Variants in CARM1 observed in about 807,000 individuals in gnomAD.
CARM1 encodes the protein coactivator associated arginine methyltransferase 1.
CARM1 carries 14 observed loss-of-function variants against 72.7 expected under a neutral mutation model. That is an observed-to-expected ratio of 0.19 (90% confidence interval 0.13 to 0.30). The LOEUF (loss-of-function observed/expected upper bound fraction) is 0.30, where lower values mean the gene tolerates loss of function less well. Among genes scored for constraint, CARM1 ranks in the 10% least tolerant of loss-of-function variants. CARM1 has a pLI of 1.00. For synonymous variants in CARM1, 333 were observed against 345.5 expected, an observed-to-expected ratio of 0.96 and a Z score of 0.40; for missense variants, 432 against 833.7, an observed-to-expected ratio of 0.52 and a Z score of 5.93.
intron 3 of CARM1, chr19:10,908,408 T>C: frequency 4.6e-6 from 2 of 432,496 alleles, no homozygotes; most frequent in African/African-American, 2.0e-5. Context: ...ACAGGCGTTG[T>C]GAATAACGGT....
chr19:10,873,290 T>C (rs1309068867), intron 1 of CARM1, among the ~76,000 whole-genome samples: 2 of 152,126 alleles, frequency 1.3e-5, no homozygotes, highest in East Asian at 3.9e-4. Context: ...TTGGCTATCA[T>C]TTTTAAGTAA....
chr19:10,898,092 C>T (rs552030799), intron 1 of CARM1, among the ~76,000 whole-genome samples: 4 of 146,680 alleles, frequency 2.7e-5, no homozygotes, highest in Admixed American at 6.9e-5. Context: ...TGGGAGACAG[C>T]GAGACTCCGT....
intron 8 of CARM1, among the ~76,000 whole-genome samples, chr19:10,917,992 G>A (rs1447672479): frequency 2.0e-5 from 3 of 151,430 alleles, no homozygotes; most frequent in African/African-American, 4.8e-5. Flanking sequence ...GATTACAGGC[G>A]TGAGCCACCA....
intron 3 of CARM1, chr19:10,908,643 A>C: frequency 5.4e-6 from 1 of 186,600 alleles, no homozygotes; most frequent in Non-Finnish European, 1.1e-5. Context: ...GGTCTGCCTG[A>C]TGCCAAAGTC....
At position 10,915,551 on chromosome 19, in the gene CARM1, C is replaced by T. The variant is rs1223559119; in HGVS notation, c.848-856C>T. ...GCTGGGTCACTTCCCATGGTGCCCC[C>T]AGGTCCCCCAGGGCAGAAGCCGCAG... On this transcript the variant is annotated intron_variant, in intron 6 of 15. Transcript: ENST00000327064. The surrounding 1 kb of genome is among the most constrained non-coding windows in gnomAD (Gnocchi z 4.6). 5.3e-5 allele frequency among the ~76,000 whole-genome samples: 8 copies of T among 152,118 alleles called. No individual in the cohort carries two copies. The highest frequency in any genetic ancestry group is 1.2e-4 in the Non-Finnish European group (8 of 67,986).
intron 2 of CARM1, among the ~76,000 whole-genome samples, chr19:10,906,253 C>T (rs1282035043): frequency 2.0e-5 from 3 of 152,194 alleles, no homozygotes; most frequent in East Asian, 1.9e-4. Flanking sequence ...TGCACCCGGC[C>T]GTTCCCACTC....
At chr19:10,917,293 C>A (rs138669383) in intron 8 of CARM1, among the ~76,000 whole-genome samples, 1 of 151,912 alleles carries the variant, frequency 6.6e-6, no homozygotes, top group South Asian at 2.1e-4. Flanking sequence ...GAGACCAACA[C>A]GGTGAAACCC....
At chr19:10,891,368 A>C (rs1243341463) in intron 1 of CARM1, among the ~76,000 whole-genome samples, 1 of 152,100 alleles carries the variant, frequency 6.6e-6, no homozygotes, top group Non-Finnish European at 1.5e-5. Flanking sequence ...CCTGGATCTT[A>C]CTGCACCTGG....
intron 1 of CARM1, among the ~76,000 whole-genome samples, chr19:10,880,744 G>T (rs1354385162): frequency 1.3e-5 from 2 of 152,172 alleles, no homozygotes; most frequent in Non-Finnish European, 2.9e-5. Flanking sequence ...TTGCAAAGGG[G>T]TAAAAGGACA....
intron 8 of CARM1, chr19:10,919,323 A>C (rs2074222073): frequency 9.6e-6 from 4 of 414,540 alleles, no homozygotes; most frequent in South Asian, 4.5e-5. Flanking sequence ...TTATACATGT[A>C]AGTTTGTTGA....
At chr19:10,872,031 C>A in intron 1 of CARM1, 109 bp downstream of exon 1, 3 of 921,998 alleles carry the variant, frequency 3.3e-6, no homozygotes, top group Non-Finnish European at 4.1e-6. Flanking sequence ...GGCGTGGGGT[C>A]CCCGGGACTG....
rs572517843 is a variant in CARM1 at position 10,900,006 on chromosome 19, C to T, written c.221-4945C>T. On this transcript the variant is annotated intron_variant, in intron 1 of 15. Coordinates refer to ENST00000327064, the MANE Select transcript of CARM1 (RefSeq NM_199141.2). ...CTGGAATTACAGGCGTGAGCCACCA[C>T]GCCTGGCCCATTTTTCATTTTCTAT... 2.6e-5 allele frequency among the ~76,000 whole-genome samples: 4 copies of T among 152,248 alleles called. No individual in the cohort carries two copies. The East Asian group carries it at 5.8e-4, about 22-fold the overall frequency.
At chr19:10,883,033 ACT>A (rs1249455489) in intron 1 of CARM1, among the ~76,000 whole-genome samples, 4 of 151,658 alleles carry the variant, frequency 2.6e-5, no homozygotes, top group South Asian at 4.2e-4. Context: ...CAGCCCTGCT[ACT>A]CTCTGCCTTT....
At chr19:10,883,516 A>T (rs1041540674) in intron 1 of CARM1, among the ~76,000 whole-genome samples, 1 of 152,186 alleles carries the variant, frequency 6.6e-6, no homozygotes, top group Non-Finnish European at 1.5e-5. Context: ...AGCAGCCTCC[A>T]GATCTGCCCA....
chr19:10,905,131 G>C, intron 2 of CARM1, 55 bp downstream of exon 2: 2 of 1,595,798 alleles, frequency 1.3e-6, no homozygotes, highest in Non-Finnish European at 8.5e-7. Context: ...CCAGAGCCCT[G>C]GTGGGCAGGG....
At chr19:10,892,216 A>G (rs1292267851) in intron 1 of CARM1, among the ~76,000 whole-genome samples, 1 of 152,246 alleles carries the variant, frequency 6.6e-6, no homozygotes, top group Non-Finnish European at 1.5e-5. Context: ...ATTCAGATCC[A>G]GGTGTATCTC....
chr19:10,901,267 G>A (rs2074062781), intron 1 of CARM1, among the ~76,000 whole-genome samples: 1 of 152,088 alleles, frequency 6.6e-6, no homozygotes, highest in African/African-American at 2.4e-5. Context: ...ACAGGCATGA[G>A]CCACTGCACT....
At chr19:10,885,854 A>G (rs1396336374) in intron 1 of CARM1, among the ~76,000 whole-genome samples, 1 of 143,470 alleles carries the variant, frequency 7.0e-6, no homozygotes, top group Admixed American at 6.9e-5. Context: ...ACAGCCCCCC[A>G]CAGGGAGCCA....
rs370388081 is a variant in CARM1 at position 10,905,036 on chromosome 19, G to A, written c.306G>A (p.Leu102=). The A allele has an allele frequency of 6.2e-7, 1 of 1,614,028 alleles. No individual in the cohort carries two copies. The highest frequency in any genetic ancestry group is 1.3e-5 in the African/African-American group (1 of 74,932). Residue 102 remains leucine (L), a synonymous_variant, in exon 2 of 16, where the codon CTG becomes CTA. Coordinates refer to ENST00000327064, the MANE Select transcript of CARM1 (RefSeq NM_199141.2). ...RVGKQSFIIT[L]GCNSVLIQFA... ...GCAAGCAGTCCTTCATCATCACCCT[G>A]GGCTGCAACAGCGTCCTCATCCAGT...
Sources: allele counts gnomAD v4.1 joint callset (sites outside exome capture counted in the v4.1 genomes callset), GRCh38; gene constraint gnomAD v4.1.1; non-coding constraint Gnocchi (gnomAD v3.1); transcripts MANE v1.5; gene names NCBI Gene and HGNC (gene_info 2026-07-23, HGNC 2026-07-21).